PIP5K1A: variants seen among roughly 807,000 people sequenced by gnomAD.
PIP5K1A encodes the protein phosphatidylinositol 4-phosphate 5-kinase type-1 alpha.
In PIP5K1A, 46 loss-of-function variants were observed where a neutral mutation model predicts 72.9. The observed-to-expected ratio is 0.63, with a 90% CI of 0.50 to 0.81. The LOEUF is 0.81. PIP5K1A is among the 30% of genes least tolerant of loss of function. The pLI is 0.00. For missense variants in PIP5K1A, 458 were observed against 706.1 expected (o/e 0.65, Z 3.98); for synonymous variants, 228 against 255.1 (o/e 0.89, Z 1.01).
chr1:151,227,239 T>C, intron 3 of PIP5K1A, 81 bp from the exon 4 acceptor site: 1 of 799,576 alleles, frequency 1.3e-6, no homozygotes, highest in South Asian at 1.4e-5. Context: ...TGTTTCAGTT[T>C]ATTTTGTTTT....
chr1:151,204,104 G>A (rs1685593051), intron 1 of PIP5K1A, among the ~76,000 whole-genome samples: 1 of 152,104 alleles, frequency 6.6e-6, no homozygotes, highest in Non-Finnish European at 1.5e-5. Context: ...TGATTGCTTT[G>A]TTCTTCCCAG....
At chr1:151,236,493 G>A (rs999317085) in intron 8 of PIP5K1A, 65 bp from the exon 9 acceptor site, 1 of 1,265,912 alleles carries the variant, frequency 7.9e-7, no homozygotes, top group Admixed American at 2.1e-5. Context: ...CAAAAAAATT[G>A]TGAGATCCTG....
chr1:151,212,719 C>T (rs776160738), intron 1 of PIP5K1A, among the ~76,000 whole-genome samples: 22 of 151,852 alleles, frequency 1.4e-4, no homozygotes, highest in South Asian at 2.1e-4. Context: ...GGACTACAGG[C>T]GCACGCCACC....
At chr1:151,213,135 C>T (rs1016708125) in intron 1 of PIP5K1A, among the ~76,000 whole-genome samples, 2 of 151,922 alleles carry the variant, frequency 1.3e-5, no homozygotes, top group Admixed American at 6.6e-5. Context: ...GTGATTCCCC[C>T]GCCTTGGCCT....
At chr1:151,196,543 C>G (rs1261468844), upstream of PIP5K1A, among the ~76,000 whole-genome samples, 1 of 141,786 alleles carries the variant, frequency 7.1e-6, no homozygotes, top group Non-Finnish European at 1.5e-5. Flanking sequence ...GCAGTAAATG[C>G]ATGGGGATTT....
upstream of PIP5K1A, among the ~76,000 whole-genome samples, chr1:151,198,350 A>T (rs907538291): frequency 5.9e-5 from 9 of 152,002 alleles, no homozygotes; most frequent in Non-Finnish European, 1.0e-4. Flanking sequence ...CCTAGCAAAG[A>T]ACTGAACCTA....
intron 4 of PIP5K1A, among the ~76,000 whole-genome samples, chr1:151,231,034 C>T (rs958586985): frequency 1.3e-5 from 2 of 151,994 alleles, no homozygotes; most frequent in African/African-American, 4.8e-5. Context: ...AGTGAAACCC[C>T]ATCTGTACTA....
At chr1:151,223,032 G>A (rs1169170729) in intron 1 of PIP5K1A, among the ~76,000 whole-genome samples, 1 of 151,696 alleles carries the variant, frequency 6.6e-6, no homozygotes, top group African/African-American at 2.4e-5. Flanking sequence ...AGCCAAGATG[G>A]TGAAACCCTC....
intron 1 of PIP5K1A, among the ~76,000 whole-genome samples, chr1:151,203,008 A>T (rs1685424245): frequency 6.6e-6 from 1 of 151,910 alleles, no homozygotes; most frequent in East Asian, 1.9e-4. Context: ...ACCTCAGGTG[A>T]TCCTCTCGCC....
At chr1:151,212,862 C>G (rs1475194960) in intron 1 of PIP5K1A, among the ~76,000 whole-genome samples, 1 of 147,882 alleles carries the variant, frequency 6.8e-6, no homozygotes, top group African/African-American at 2.5e-5. Flanking sequence ...CGTGAGCCAC[C>G]GTGCCTGGCT....
intron 12 of PIP5K1A, 153 bp from the exon 13 acceptor site, chr1:151,241,970 T>C (rs954167600): frequency 4.2e-6 from 3 of 716,592 alleles, no homozygotes; most frequent in Non-Finnish European, 7.3e-6. Context: ...CTCTGAATAG[T>C]AATTCATAGG....
chr1:151,215,201 G>T lies in PIP5K1A; in HGVS notation c.86-9044G>T, dbSNP rs140168480. 2.4e-3 allele frequency among the ~76,000 whole-genome samples: 352 copies of T among 149,396 alleles called. 1 individual carries two copies. The highest frequency in any genetic ancestry group is 7.4e-3 in the African/African-American group (300 of 40,610). On this transcript the variant is annotated intron_variant, in intron 1 of 15. Transcript: ENST00000368888. ...AGGTGCCACCATGCCATGCTAATTGGTTTTTTTTGTATTTTTAGTAAAGAC... is the reference window on the plus strand; with the variant it reads ...AGGTGCCACCATGCCATGCTAATTGTTTTTTTTTGTATTTTTAGTAAAGAC...
At chr1:151,213,257 A>T (rs1334507662) in intron 1 of PIP5K1A, among the ~76,000 whole-genome samples, 1 of 152,090 alleles carries the variant, frequency 6.6e-6, no homozygotes, top group Non-Finnish European at 1.5e-5. Context: ...GGGCTACCTT[A>T]TAGGCAGTGT....
chr1:151,229,236 G>T (rs1287557242), intron 4 of PIP5K1A, among the ~76,000 whole-genome samples: 1 of 150,214 alleles, frequency 6.7e-6, no homozygotes, highest in East Asian at 1.9e-4. Flanking sequence ...GCCCAGACTG[G>T]AATGCAGTGG....
Position 151,232,712 on chromosome 1 carries a change from G to A in PIP5K1A, c.639+9G>A. ...TTCCAGGATACTACATGGTAAGGGAGAGAGAAGCACTGTCCACCTGTGCTG... is the reference window on the plus strand; with the variant it reads ...TTCCAGGATACTACATGGTAAGGGAAAGAGAAGCACTGTCCACCTGTGCTG... On this transcript the variant is annotated intron_variant, in intron 7 of 15. Coordinates refer to ENST00000368888, the MANE Select transcript of PIP5K1A (RefSeq NM_001135638.2). 2 of 1,612,680 alleles carry A rather than the reference G, an allele frequency of 1.2e-6. No homozygotes were observed. Among genetic ancestry groups the A allele is most frequent in the Non-Finnish European group, 1.7e-6 (2 of 1,179,276 alleles).
At chr1:151,211,785 G>A (rs1044516183) in intron 1 of PIP5K1A, among the ~76,000 whole-genome samples, 13 of 149,900 alleles carry the variant, frequency 8.7e-5, no homozygotes, top group Admixed American at 2.0e-4. Flanking sequence ...CAGCCTGGGC[G>A]ACAGAGCAAG....
intron 11 of PIP5K1A, among the ~76,000 whole-genome samples, chr1:151,239,685 G>A (rs930413625): frequency 3.9e-5 from 6 of 152,262 alleles, no homozygotes; most frequent in South Asian, 2.1e-4. Context: ...CCACCACCAT[G>A]CATGGCTAAG....
intron 9 of PIP5K1A, among the ~76,000 whole-genome samples, chr1:151,237,661 C>CAA (rs879257400): frequency 7.0e-6 from 1 of 143,444 alleles, no homozygotes; most frequent in Non-Finnish European, 1.5e-5. Context: ...GACCCTGTGT[C>CAA]AAAAAAAAAA....
chr1:151,210,836 C>T (rs1446994718), intron 1 of PIP5K1A, among the ~76,000 whole-genome samples: 2 of 151,950 alleles, frequency 1.3e-5, no homozygotes, highest in East Asian at 1.9e-4. Context: ...ATCTACCTGC[C>T]TCAGCCTCCC....
Sources: allele counts gnomAD v4.1 joint callset (sites outside exome capture counted in the v4.1 genomes callset), GRCh38; gene constraint gnomAD v4.1.1; transcripts MANE v1.5; gene names NCBI Gene and HGNC (gene_info 2026-07-23, HGNC 2026-07-21).